The following OBSL1 variants were observed in gnomAD, a reference collection of about 807,000 sequenced individuals.
The protein encoded by OBSL1 is obscurin-like protein 1.
OBSL1 carries 160 observed loss-of-function variants against 172.0 expected under a neutral mutation model. The observed-to-expected ratio is 0.93, with a 90% CI of 0.82 to 1.06. OBSL1 has a LOEUF of 1.06. OBSL1 is among the 50% of genes least tolerant of loss of function. The pLI is 0.00. For missense variants in OBSL1, 2,681 were observed against 2,715.4 expected (o/e 0.99, Z 0.28); for synonymous variants, 1,200 against 1,196.3 (o/e 1.00, Z -0.06).
intron 6 of OBSL1, among the ~76,000 whole-genome samples, chr2:219,564,450 A>G (rs1696724449): frequency 1.3e-5 from 2 of 152,242 alleles, no homozygotes; most frequent in Non-Finnish European, 2.9e-5. Flanking sequence ...AACTGGAGAT[A>G]TATTGCCCCT....
At chr2:219,554,451 G>A in intron 15 of OBSL1, 23 bp downstream of exon 15, 1 of 1,610,338 alleles carries the variant, frequency 6.2e-7, no homozygotes, top group Middle Eastern at 1.7e-4. Context: ...TCAGCAGGCA[G>A]GCTGTGGTCC....
At chr2:219,563,306 G>T in intron 7 of OBSL1, 49 bp downstream of exon 7, 13 of 1,499,996 alleles carry the variant, frequency 8.7e-6, no homozygotes, top group Non-Finnish European at 1.2e-5. Context: ...GTTCCAGTGG[G>T]AGCAGGGGCA....
chr2:219,553,080 C>T (rs1019717369), intron 16 of OBSL1, 56 bp from the exon 17 acceptor site: 26 of 1,409,968 alleles, frequency 1.8e-5, no homozygotes, highest in Admixed American at 3.3e-5. Context: ...CAGGCGACCC[C>T]GGCCCTGGCA....
In OBSL1 at chr2:219,557,494, G is replaced by C; in HGVS notation, c.3915C>G (p.Asp1305Glu). ...GCCCCTGGCTTGCCAGTCGCTCCCC[G>C]TCCTTGTACCAGCGTACAGGGCCCC... ...GPGGPVRWYK[D>E]GERLASQGRV... Residue 1305 changes from aspartate to glutamate, a missense_variant, in exon 12 of 21, where the codon GAC becomes GAG. Around this residue, in one of 5 missense-constraint regions of OBSL1, gnomAD observed 1,765 missense variants for 1,748.3 expected, o/e 1.01. Transcript: ENST00000404537. The C allele has an allele frequency of 3.9e-6, 6 of 1,553,146 alleles. 1 individual carries two copies. The South Asian group carries it at 7.1e-5, about 18-fold the overall frequency.
In OBSL1 at chr2:219,551,571, G is replaced by C. The variant is rs1352955079; in HGVS notation, c.5641C>G (p.Gln1881Glu). The change falls in exon 20 of 21, where the codon CAG becomes GAG. Residue 1881 changes from glutamine (Q) to glutamate (E), a missense_variant. Physicochemically the swap from Gln to Glu is conservative, Grantham distance 29 (BLOSUM62 2). This residue lies in a region of OBSL1 where 1,765 missense variants were observed against 1,748.3 expected (regional missense o/e 1.01). Transcript: ENST00000404537. ...RPEDQGTYCCQAGQDSTHTRL... is the reference protein window; with the variant it reads ...RPEDQGTYCCEAGQDSTHTRL... Reference sequence around the variant, plus strand: ...GTGTGGGTGCTGTCCTGGCCGGCCTGGCAGCAGTAAGTGCCTTGGTCCTCA... The same window carrying C: ...GTGTGGGTGCTGTCCTGGCCGGCCTCGCAGCAGTAAGTGCCTTGGTCCTCA... The C allele has an allele frequency of 5.0e-6, 8 of 1,604,970 alleles. No homozygotes were observed. The East Asian group carries it at 1.6e-4, about 32-fold the overall frequency.
downstream of OBSL1, chr2:219,550,613 T>C (rs1270499484): frequency 3.5e-6 from 2 of 579,064 alleles, no homozygotes; most frequent in African/African-American, 1.9e-5. Context: ...CTTTGGTGGC[T>C]GGCACTTTCA....
Position 219,556,429 on chromosome 2 carries a change from TATCTC to T in OBSL1, c.4336+20_4336+24del, listed in dbSNP as rs1187282678. On this transcript the variant is annotated intron_variant, in intron 13 of 20. Transcript: ENST00000404537. ...GGGAGTACAGGCACGGGACACAGAG[TATCTC>T]ATCCTCATCAGGACCTAACCTCGAA... 5.6e-6 allele frequency: 9 copies of T among 1,611,988 alleles called. No individual in the cohort carries two copies. Among genetic ancestry groups the T allele is most frequent in the Non-Finnish European group, 7.6e-6 (9 of 1,178,704 alleles).
At position 219,559,474 on chromosome 2, in the gene OBSL1, G is replaced by A. The variant is rs1292400698; in HGVS notation, c.2977C>T (p.Pro993Ser). Residue 993 changes from proline to serine, a missense_variant, in exon 9 of 21, where the codon CCT becomes TCT. Pro to Ser is a moderately conservative substitution (Grantham distance 74, BLOSUM62 -1). Coordinates refer to ENST00000404537, the MANE Select transcript of OBSL1 (RefSeq NM_015311.3). ...VTEPPVRIIY[P>S]RDEVTLIAVT... ...GCGATCAAGGTCACCTCATCGCGAG[G>A]GTATATGATCCGCACTGGGGGTTCT... 7 of 1,613,612 alleles carry A rather than the reference G, an allele frequency of 4.3e-6. No individual in the cohort carries two copies. Among genetic ancestry groups the A allele is most frequent in the South Asian group, 1.1e-5 (1 of 91,052 alleles).
In OBSL1 at chr2:219,568,089, G is replaced by GCC; in HGVS notation, c.1246_1247dup (p.Arg417AlafsTer16). The GCC allele has an allele frequency of 1.2e-6, 2 of 1,612,434 alleles. No individual in the cohort carries two copies. Among genetic ancestry groups the GCC allele is most frequent in the Non-Finnish European group, 1.7e-6 (2 of 1,178,818 alleles). On this transcript the variant is annotated frameshift_variant, in exon 2 of 21. Coordinates refer to ENST00000404537, the MANE Select transcript of OBSL1 (RefSeq NM_015311.3). LOFTEE classifies it high-confidence loss of function. The surrounding 1 kb of genome is among the most constrained non-coding windows in gnomAD (Gnocchi z 4.1). ...TGACGTTGGCCACGGTGCGCACCCGGCCCCGCATCTCGCACAGGTAGATAC... is the reference window on the plus strand; with the variant it reads ...TGACGTTGGCCACGGTGCGCACCCGGCCCCCCGCATCTCGCACAGGTAGATAC...
rs757897947 is a variant in OBSL1 at position 219,567,146 on chromosome 2, C to T, written c.1838-20G>A. 2.5e-6 allele frequency: 4 copies of T among 1,608,782 alleles called. No homozygotes were observed. Among genetic ancestry groups the T allele is most frequent in the Non-Finnish European group, 3.4e-6 (4 of 1,176,854 alleles). On this transcript the variant is annotated intron_variant, in intron 4 of 20. Transcript: ENST00000404537. ...TGGGCACTGAGGCAGGGACAGAGTG[C>T]AGCTGTCAGAACTAGAAGGTGTGGC...
chr2:219,562,074 T>C lies in OBSL1; in HGVS notation c.2953+328A>G, dbSNP rs113733344. 3.0e-3 allele frequency: 2,121 copies of C among 706,966 alleles called. 38 individuals carry two copies. The African/African-American group carries it at 0.033, about 11-fold the overall frequency. The allele number at this position is 706,966 out of a possible 1,614,324, so 43.8% of individuals were successfully genotyped here. A position where few individuals can be genotyped will look rare whatever the true frequency, so the allele number is the denominator to read the frequency against. The stretch of plus-strand genomic sequence containing the variant: ...CCCAGGACTACCCGTTTGCGACCCC[T>C]GGTTAACAGCTGCCTCCTCACCTAG... On this transcript the variant is annotated intron_variant, in intron 8 of 20. Transcript: ENST00000404537.
downstream of OBSL1, chr2:219,549,433 CGGGCTGGTTGCTATCTAGAA>C: frequency 6.7e-7 from 1 of 1,500,458 alleles, no homozygotes; most frequent in Non-Finnish European, 9.0e-7. Context: ...GCTTTCCCCA[CGGGCTGGTTGCTATCTAGAA>C]GGCCTGTTTG....
In OBSL1 at chr2:219,554,114, A is replaced by T. The variant is rs1695833076; in HGVS notation, c.4876+360T>A. The T allele has an allele frequency of 1.5e-5, 6 of 401,800 alleles. No individual in the cohort carries two copies. In the Admixed American group the frequency reaches 1.9e-4, roughly 13 times the overall value. The allele number at this position is 401,800 out of a possible 1,614,324, so 24.9% of individuals were successfully genotyped here. A position where few individuals can be genotyped will look rare whatever the true frequency, so the allele number is the denominator to read the frequency against. On this transcript the variant is annotated intron_variant, in intron 15 of 20. Coordinates refer to ENST00000404537, the MANE Select transcript of OBSL1 (RefSeq NM_015311.3). ...TGGAGTGGTCACGGGGCCCACACTT[A>T]GGCGGGCAGAGGGAGCCACGGCAGA...
Position 219,558,504 on chromosome 2 carries a change from G to T in OBSL1, c.3227-45C>A, listed in dbSNP as rs1454628073. 8.0e-6 allele frequency: 12 copies of T among 1,493,136 alleles called. No homozygotes were observed. In the East Asian group the frequency reaches 2.2e-4, roughly 28 times the overall value. The allele number at this position is 1,493,136 out of a possible 1,614,324, so 92.5% of individuals were successfully genotyped here. On this transcript the variant is annotated intron_variant, in intron 9 of 20. Coordinates refer to ENST00000404537, the MANE Select transcript of OBSL1 (RefSeq NM_015311.3). ...AGGGGCACATAGGCTTGGCCAGCAG[G>T]CCTCTCCTGCCTCACCCGCCAGATC...
At chr2:219,563,914 C>G (rs986245503) in intron 6 of OBSL1, among the ~76,000 whole-genome samples, 6 of 152,144 alleles carry the variant, frequency 3.9e-5, no homozygotes, top group Non-Finnish European at 8.8e-5. Flanking sequence ...AGAGTGGCAG[C>G]CACCATTTGT....
chr2:219,559,407 C>A lies in OBSL1; in HGVS notation c.3044G>T (p.Arg1015Leu), dbSNP rs200288470. The change falls in exon 9 of 21, where the codon CGG (arginine) becomes CTG (leucine). Residue 1015 changes from arginine to leucine, a missense_variant. Around this residue, in one of 5 missense-constraint regions of OBSL1, gnomAD observed 1,765 missense variants for 1,748.3 expected, o/e 1.01. Transcript: ENST00000404537. ...ECVVLMCELS[R>L]EDAPVRWYKD... is the part of the protein sequence containing the mutation. The stretch of plus-strand genomic sequence containing the variant: ...GTACCAGCGCACAGGGGCATCCTCC[C>A]GAGACAGTTCACACATCAGCACCAC... 1.2e-6 allele frequency: 2 copies of A among 1,613,912 alleles called. No homozygotes were observed. The highest frequency in any genetic ancestry group is 1.7e-6 in the Non-Finnish European group (2 of 1,179,878).
intron 8 of OBSL1, among the ~76,000 whole-genome samples, chr2:219,561,229 C>T (rs995659509): frequency 6.6e-6 from 1 of 152,018 alleles, no homozygotes; most frequent in Non-Finnish European, 1.5e-5. Context: ...GGACTGTGGC[C>T]GCAGTAGGAT....
intron 6 of OBSL1, among the ~76,000 whole-genome samples, chr2:219,564,280 G>A (rs1696710150): frequency 6.6e-6 from 1 of 152,222 alleles, no homozygotes; most frequent in South Asian, 2.1e-4. Flanking sequence ...AAAGCAGCCA[G>A]CCTACGGACT....
At chr2:219,555,732 A>C in intron 14 of OBSL1, 1 of 1,308,596 alleles carries the variant, frequency 7.6e-7, no homozygotes, top group Non-Finnish European at 9.7e-7. Context: ...CCTAGAATAC[A>C]TGCCTGAAGG....
Sources: allele counts gnomAD v4.1 joint callset (sites outside exome capture counted in the v4.1 genomes callset), GRCh38; gene constraint gnomAD v4.1.1; regional missense constraint gnomAD v4.1.1; non-coding constraint Gnocchi (gnomAD v3.1); transcripts MANE v1.5; gene names NCBI Gene and HGNC (gene_info 2026-07-23, HGNC 2026-07-21).